DOCK10: variants seen among roughly 807,000 people sequenced by gnomAD.
DOCK10 encodes dedicator of cytokinesis 10.
Under a neutral mutation model 280.1 loss-of-function variants are expected in DOCK10, and 145 were observed. That is an observed-to-expected ratio of 0.52 (90% confidence interval 0.45 to 0.59). DOCK10 has a LOEUF of 0.59. DOCK10 is among the 20% of genes least tolerant of loss of function. The pLI is 0.00. For missense variants in DOCK10, 2,368 were observed against 2,651.7 expected, an observed-to-expected ratio of 0.89 and a Z score of 2.35; for synonymous variants, 915 against 942.2, an observed-to-expected ratio of 0.97 and a Z score of 0.53.
chr2:225,032,961 T>C (rs544201616), intron 1 of DOCK10, among the ~76,000 whole-genome samples: 60 of 152,222 alleles, frequency 3.9e-4, no homozygotes, highest in Non-Finnish European at 7.9e-4. Context: ...AAGAAAAATC[T>C]CATTGTGTTA....
chr2:224,839,101 C>T (rs895669467), intron 24 of DOCK10, among the ~76,000 whole-genome samples: 9 of 149,776 alleles, frequency 6.0e-5, no homozygotes, highest in African/African-American at 9.9e-5. Flanking sequence ...TTTTTTGAGA[C>T]GGAGTCTTGC....
At chr2:224,974,914 T>A (rs1274079403) in intron 1 of DOCK10, among the ~76,000 whole-genome samples, 1 of 142,242 alleles carries the variant, frequency 7.0e-6, no homozygotes, top group Non-Finnish European at 1.6e-5. Flanking sequence ...TCTATCTACA[T>A]ATAGTTGAAT....
At position 224,794,893 on chromosome 2, in the gene DOCK10, C is replaced by T. The variant is rs201675860; in HGVS notation, c.5140G>A (p.Gly1714Arg). ...ESMAKIHARN[G>R]DLSEAAMCYI... Reference sequence around the variant, plus strand: ...TGGCTAATCACCTCAGATAAATCTCCGTTTCTGGCATGAATCTTGGCCATA... The same window carrying T: ...TGGCTAATCACCTCAGATAAATCTCTGTTTCTGGCATGAATCTTGGCCATA... Residue 1714 changes from glycine to arginine, a missense_variant, in exon 45 of 56, where the codon GGA becomes AGA. Around this residue, in one of 2 missense-constraint regions of DOCK10, gnomAD observed 1,159 missense variants for 1,400.8 expected, o/e 0.83. Transcript: ENST00000258390. The T allele has an allele frequency of 2.1e-5, 34 of 1,613,534 alleles. No homozygotes were observed. Among genetic ancestry groups the T allele is most frequent in the African/African-American group, 5.3e-5 (4 of 74,884 alleles).
chr2:224,934,710 T>C (rs1289148429), intron 1 of DOCK10, among the ~76,000 whole-genome samples: 1 of 152,228 alleles, frequency 6.6e-6, no homozygotes, highest in Non-Finnish European at 1.5e-5. Context: ...CTGAGCAGCA[T>C]TGATTTACAG....
chr2:224,864,722 T>C (rs756860055), intron 12 of DOCK10, 47 bp from the exon 13 acceptor site: 2 of 1,583,056 alleles, frequency 1.3e-6, no homozygotes, highest in South Asian at 1.2e-5. Context: ...AACCACATTG[T>C]AGACATTTAC....
intron 1 of DOCK10, among the ~76,000 whole-genome samples, chr2:225,009,785 A>G (rs1159814020): frequency 6.6e-6 from 1 of 152,230 alleles, no homozygotes; most frequent in East Asian, 1.9e-4. Context: ...ATTTTGACTC[A>G]ATAGTACGCT....
intron 1 of DOCK10, among the ~76,000 whole-genome samples, chr2:224,954,952 G>T (rs982599811): frequency 2.0e-5 from 3 of 152,182 alleles, no homozygotes; most frequent in Non-Finnish European, 2.9e-5. Context: ...AGGCTGAGGA[G>T]ATCTGAATCA....
intron 31 of DOCK10, among the ~76,000 whole-genome samples, chr2:224,813,398 G>A (rs1693914397): frequency 6.6e-6 from 1 of 152,152 alleles, no homozygotes; most frequent in African/African-American, 2.4e-5. Context: ...GTTTCACCAT[G>A]TTGGCCAGGG....
chr2:224,827,321 G>A (rs1694936023), intron 27 of DOCK10, among the ~76,000 whole-genome samples: 3 of 151,780 alleles, frequency 2.0e-5, no homozygotes, highest in Non-Finnish European at 4.4e-5. Context: ...CCACTGTGAT[G>A]ATTAGAGATG....
chr2:224,816,210 T>C (rs1559477059), intron 30 of DOCK10, among the ~76,000 whole-genome samples: 2 of 148,614 alleles, frequency 1.3e-5, no homozygotes, highest in African/African-American at 2.4e-5. Context: ...ATAATACATA[T>C]ATATTTATAT....
intron 3 of DOCK10, among the ~76,000 whole-genome samples, chr2:224,914,779 A>G (rs1249513896): frequency 1.3e-5 from 2 of 152,200 alleles, no homozygotes; most frequent in Non-Finnish European, 2.9e-5. Context: ...ATATAAAATA[A>G]TAGAATAAGA....
chr2:224,895,613 C>T (rs564228731), intron 4 of DOCK10, among the ~76,000 whole-genome samples: 5 of 152,212 alleles, frequency 3.3e-5, no homozygotes, highest in Admixed American at 2.6e-4. Context: ...GGGGATTCTG[C>T]AGGGAAAAGT....
chr2:224,801,603 T>C (rs1346847422), intron 40 of DOCK10, among the ~76,000 whole-genome samples: 3 of 152,130 alleles, frequency 2.0e-5, no homozygotes, highest in African/African-American at 4.8e-5. Flanking sequence ...ATGGGCAACT[T>C]TATCCCCTCC....
intron 39 of DOCK10, among the ~76,000 whole-genome samples, chr2:224,803,703 A>G (rs1693167536): frequency 6.6e-6 from 1 of 152,110 alleles, no homozygotes; most frequent in Non-Finnish European, 1.5e-5. Context: ...AAAAATTATA[A>G]TTACTGAAAA....
intron 50 of DOCK10, among the ~76,000 whole-genome samples, chr2:224,784,179 T>C (rs1457500435): frequency 6.6e-6 from 1 of 152,208 alleles, no homozygotes; most frequent in Non-Finnish European, 1.5e-5. Context: ...GGTTCATCTT[T>C]TATGTTTGGA....
At chr2:224,853,150 T>A in intron 16 of DOCK10, 28 bp from the exon 17 acceptor site, 1 of 1,518,970 alleles carries the variant, frequency 6.6e-7, no homozygotes, top group Middle Eastern at 1.8e-4. Context: ...TAAGAGTTTG[T>A]CATTTAATAT....
chr2:224,765,804 C>T lies in DOCK10; in HGVS notation c.6478G>A (p.Val2160Met). 6.2e-7 allele frequency: 1 copy of T among 1,613,828 alleles called. No homozygotes were observed. Among genetic ancestry groups the T allele is most frequent in the Non-Finnish European group, 8.5e-7 (1 of 1,179,862 alleles). Reference protein sequence around the residue: ...TGRDDLSKRGVDQTCTRVISK... With the variant: ...TGRDDLSKRGMDQTCTRVISK... ...ATTACTCGAGTGCAGGTTTGGTCCA[C>T]TCCGCGCTTTGACAGGTCGTCCCTG... Residue 2160 changes from valine (V) to methionine (M), a missense_variant, in exon 56 of 56, where the codon GTG (valine) becomes ATG (methionine). Physicochemically the swap from Val to Met is conservative, Grantham distance 21 (BLOSUM62 1). Coordinates refer to ENST00000258390, the MANE Select transcript of DOCK10 (RefSeq NM_014689.3).
intron 3 of DOCK10, among the ~76,000 whole-genome samples, chr2:224,912,698 A>G (rs1358298407): frequency 6.6e-6 from 1 of 152,110 alleles, no homozygotes; most frequent in Non-Finnish European, 1.5e-5. Flanking sequence ...TCATACTACA[A>G]TTCTGTGACT....
chr2:224,978,978 C>G (rs150481789), intron 1 of DOCK10, among the ~76,000 whole-genome samples: 1 of 152,160 alleles, frequency 6.6e-6, no homozygotes, highest in Non-Finnish European at 1.5e-5. Flanking sequence ...ATATTCAATC[C>G]ATAGGCAAAC....
Sources: gnomAD v4.1 joint callset for allele counts (sites outside exome capture counted in the v4.1 genomes callset) on GRCh38, gnomAD v4.1.1 for gene constraint, gnomAD v4.1.1 regional missense constraint, MANE v1.5 for transcripts, NCBI Gene and HGNC (gene_info 2026-07-23, HGNC 2026-07-21) for gene names.